LEKR1: variants seen among roughly 807,000 people sequenced by gnomAD.
LEKR1 encodes the protein leucine, glutamate and lysine rich 1, also known as protein LEKR1.
In LEKR1, 59 loss-of-function variants were observed where a neutral mutation model predicts 72.4. The observed-to-expected ratio is 0.82, with a 90% CI of 0.66 to 1.01. The LOEUF is 1.01. LEKR1 is among the 50% of genes least tolerant of loss of function. LEKR1 has a pLI of 0.00. For missense variants in LEKR1, 728 were observed against 759.2 expected, an observed-to-expected ratio of 0.96 and a Z score of 0.48; for synonymous variants, 257 against 263.2, an observed-to-expected ratio of 0.98 and a Z score of 0.23.
intron 6 of LEKR1, among the ~76,000 whole-genome samples, chr3:156,956,905 A>T (rs1358502133): frequency 1.3e-5 from 2 of 152,050 alleles, no homozygotes; most frequent in Non-Finnish European, 2.9e-5. Flanking sequence ...ACACATAATA[A>T]ACACAAAATG....
intron 3 of LEKR1, among the ~76,000 whole-genome samples, chr3:156,874,825 TG>T (rs1317538522): frequency 6.6e-6 from 1 of 152,368 alleles, no homozygotes; most frequent in East Asian, 1.9e-4. Flanking sequence ...TTTAGAATAA[TG>T]GTCTCCAACC....
At chr3:156,925,892 AT>A (rs904186598) in intron 4 of LEKR1, among the ~76,000 whole-genome samples, 3 of 152,078 alleles carry the variant, frequency 2.0e-5, no homozygotes, top group African/African-American at 7.2e-5. Context: ...ATATTTTAGA[AT>A]GCTTTAATGA....
chr3:156,833,037 A>G (rs891195814), intron 2 of LEKR1, among the ~76,000 whole-genome samples: 2 of 152,258 alleles, frequency 1.3e-5, no homozygotes, highest in African/African-American at 4.8e-5. Context: ...TATGCTCCAA[A>G]GTTTGCAGAT....
chr3:157,040,426 A>G (rs1412290766), intron 12 of LEKR1, among the ~76,000 whole-genome samples: 7 of 152,194 alleles, frequency 4.6e-5, no homozygotes, highest in Non-Finnish European at 1.0e-4. Flanking sequence ...TTTGAAAACA[A>G]CCAGCCTGAC....
intron 10 of LEKR1, among the ~76,000 whole-genome samples, chr3:157,012,496 T>A (rs1732971279): frequency 6.6e-6 from 1 of 152,082 alleles, no homozygotes; most frequent in Non-Finnish European, 1.5e-5. Context: ...CAGGAATCCC[T>A]CACTCTGCCA....
chr3:156,899,691 CATATATACACGCATATATACACAT>C (rs1576778441), intron 3 of LEKR1, among the ~76,000 whole-genome samples: 4 of 141,114 alleles, frequency 2.8e-5, no homozygotes, highest in Non-Finnish European at 4.6e-5. Context: ...CATATATACA[CATATATACACGCATATATACACAT>C]ATATACATGC....
chr3:156,880,173 A>G (rs1474011601), intron 3 of LEKR1, among the ~76,000 whole-genome samples: 1 of 152,220 alleles, frequency 6.6e-6, no homozygotes, highest in Admixed American at 6.5e-5. Flanking sequence ...TGAAAGCAGC[A>G]AAGAGTGGGG....
At chr3:156,959,956 G>A (rs1376959006) in intron 6 of LEKR1, among the ~76,000 whole-genome samples, 1 of 151,806 alleles carries the variant, frequency 6.6e-6, no homozygotes, top group Non-Finnish European at 1.5e-5. Context: ...CCCCACCCAT[G>A]TTCCCTACCA....
At chr3:156,916,621 G>T (rs1198155076) in intron 3 of LEKR1, among the ~76,000 whole-genome samples, 1 of 152,088 alleles carries the variant, frequency 6.6e-6, no homozygotes, top group Non-Finnish European at 1.5e-5. Context: ...CTGAAACTTT[G>T]CCAAAGCTGT....
chr3:156,879,857 G>T (rs1441573864), intron 3 of LEKR1, among the ~76,000 whole-genome samples: 1 of 152,336 alleles, frequency 6.6e-6, no homozygotes, highest in Admixed American at 6.5e-5. Context: ...TCCACATGGT[G>T]TTGAGTCTGC....
At chr3:156,929,651 T>C (rs1725027441) in intron 5 of LEKR1, among the ~76,000 whole-genome samples, 1 of 150,538 alleles carries the variant, frequency 6.6e-6, no homozygotes, top group Non-Finnish European at 1.5e-5. Flanking sequence ...CATAATATGT[T>C]ACCAGAAGAG....
At chr3:157,021,793 G>T (rs898483455) in intron 10 of LEKR1, among the ~76,000 whole-genome samples, 2 of 151,996 alleles carry the variant, frequency 1.3e-5, no homozygotes, top group African/African-American at 2.4e-5. Context: ...TAGTGCCAGA[G>T]CATCTTATGA....
intron 3 of LEKR1, among the ~76,000 whole-genome samples, chr3:156,910,684 G>T (rs1723024004): frequency 6.6e-6 from 1 of 152,142 alleles, no homozygotes; most frequent in Admixed American, 6.5e-5. Flanking sequence ...TCTTTCTTAT[G>T]GCTACATAGT....
intron 5 of LEKR1, among the ~76,000 whole-genome samples, chr3:156,940,784 T>G (rs968416440): frequency 6.6e-6 from 1 of 152,166 alleles, no homozygotes. Flanking sequence ...GAAAGTCACA[T>G]TGACATGAGT....
intron 6 of LEKR1, among the ~76,000 whole-genome samples, chr3:156,954,956 A>T (rs6806469): frequency 0.046 from 7,021 of 152,128 alleles, 580 homozygotes; most frequent in African/African-American, 0.16. Context: ...CAGTATGGCC[A>T]TTTAAATAAT....
At chr3:156,982,770 C>T (rs1730307996) in intron 7 of LEKR1, among the ~76,000 whole-genome samples, 1 of 151,730 alleles carries the variant, frequency 6.6e-6, no homozygotes, top group Non-Finnish European at 1.5e-5. Context: ...ACTATAAAAT[C>T]TAGTTCTATT....
chr3:157,022,939 T>A lies in LEKR1; in HGVS notation c.1204-1821T>A, dbSNP rs1733943669. On this transcript the variant is annotated intron_variant, in intron 10 of 12. Transcript: ENST00000356539. ...CAGTACTGTATAAACATAATTACAT[T>A]CCCTTAAGGCAGATGCTTAGTCCTA... 2.0e-5 allele frequency among the ~76,000 whole-genome samples: 3 copies of A among 152,190 alleles called. No individual in the cohort carries two copies. The South Asian group carries it at 6.2e-4, about 31-fold the overall frequency.
At chr3:157,026,533 C>T (rs1734203303) in intron 11 of LEKR1, among the ~76,000 whole-genome samples, 1 of 152,196 alleles carries the variant, frequency 6.6e-6, no homozygotes, top group South Asian at 2.1e-4. Context: ...GCAGACCTGA[C>T]AGTGGCCTTC....
At chr3:156,997,669 C>A (rs929264628) in intron 9 of LEKR1, among the ~76,000 whole-genome samples, 1 of 152,196 alleles carries the variant, frequency 6.6e-6, no homozygotes, top group Admixed American at 6.5e-5. Flanking sequence ...CAGCCTTCCT[C>A]CCTGACCCCT....
Sources: allele counts gnomAD v4.1 joint callset (sites outside exome capture counted in the v4.1 genomes callset), GRCh38; gene constraint gnomAD v4.1.1; transcripts MANE v1.5; gene names NCBI Gene and HGNC (gene_info 2026-07-23, HGNC 2026-07-21).